Variants in LSAMP observed in about 807,000 individuals in gnomAD.
LSAMP encodes limbic system-associated membrane protein.
LSAMP carries 7 observed loss-of-function variants against 38.6 expected under a neutral mutation model. The observed-to-expected ratio is 0.18, with a 90% CI of 0.10 to 0.34. LSAMP has a LOEUF of 0.34. Ranked by LOEUF, LSAMP falls within the 10% of genes least tolerant of loss-of-function variation. The pLI, the probability that LSAMP is intolerant of heterozygous loss-of-function variation, is 1.00. For missense variants in LSAMP, 313 were observed against 420.0 expected (o/e 0.75, Z 2.23); for synonymous variants, 154 against 166.8 (o/e 0.92, Z 0.59).
intron 1 of LSAMP, among the ~76,000 whole-genome samples, chr3:116,105,172 AG>A (rs1302320982): frequency 7.4e-6 from 1 of 134,880 alleles, no homozygotes; most frequent in Admixed American, 7.0e-5. Flanking sequence ...CAGTTTGACT[AG>A]GGGGAAAAAA....
intron 1 of LSAMP, among the ~76,000 whole-genome samples, chr3:116,367,504 T>G (rs2048369967): frequency 6.6e-6 from 1 of 151,420 alleles, no homozygotes; most frequent in Non-Finnish European, 1.5e-5. Flanking sequence ...CCTTTTTTTT[T>G]TTTTTTTGTC....
chr3:116,116,726 GATAATAATA>G (rs144004075), intron 1 of LSAMP, among the ~76,000 whole-genome samples: 2 of 149,884 alleles, frequency 1.3e-5, no homozygotes, highest in South Asian at 2.1e-4. Context: ...AAATAATAAT[GATAATAATA>G]ATAATAATAA....
intron 6 of LSAMP, among the ~76,000 whole-genome samples, chr3:115,839,086 G>T (rs1934895425): frequency 6.6e-6 from 1 of 152,116 alleles, no homozygotes; most frequent in Non-Finnish European, 1.5e-5. Flanking sequence ...CTCCCCTCCT[G>T]ACTCTGTTCT....
intron 1 of LSAMP, among the ~76,000 whole-genome samples, chr3:116,289,261 A>G (rs1445141500): frequency 1.3e-5 from 2 of 152,236 alleles, no homozygotes; most frequent in East Asian, 3.8e-4. Flanking sequence ...ATTGTCAAAC[A>G]TTTGAAAACT....
chr3:115,828,027 A>G (rs1425839702), intron 6 of LSAMP, among the ~76,000 whole-genome samples: 16 of 152,182 alleles, frequency 1.1e-4, no homozygotes, highest in Admixed American at 1.0e-3. Flanking sequence ...CTTAATTTGT[A>G]TCTTGCCTCT....
intron 3 of LSAMP, among the ~76,000 whole-genome samples, chr3:115,880,686 A>G (rs981365844): frequency 1.3e-5 from 2 of 152,148 alleles, no homozygotes; most frequent in Admixed American, 6.5e-5. Context: ...AAATCAGATT[A>G]AAAGATCATG....
intron 1 of LSAMP, among the ~76,000 whole-genome samples, chr3:116,226,197 C>A (rs1222970337): frequency 6.6e-6 from 1 of 152,190 alleles, no homozygotes; most frequent in Non-Finnish European, 1.5e-5. Flanking sequence ...CAAAACACCT[C>A]TTCTCCTGAC....
chr3:115,868,929 C>T (rs1294292233), intron 3 of LSAMP, among the ~76,000 whole-genome samples: 1 of 151,906 alleles, frequency 6.6e-6, no homozygotes, highest in African/African-American at 2.4e-5. Flanking sequence ...AACTTCAATA[C>T]ACACAATTCT....
intron 3 of LSAMP, among the ~76,000 whole-genome samples, chr3:115,986,099 G>T (rs1939502396): frequency 1.3e-5 from 2 of 152,126 alleles, no homozygotes; most frequent in Non-Finnish European, 2.9e-5. Context: ...GGTTAAAAAA[G>T]CCAACTGCTT....
chr3:116,394,567 A>G (rs374169518), intron 1 of LSAMP, among the ~76,000 whole-genome samples: 4 of 152,268 alleles, frequency 2.6e-5, no homozygotes, highest in African/African-American at 9.6e-5. Flanking sequence ...TTGACTCATT[A>G]GAGCATGACT....
chr3:116,038,485 A>C (rs898772140), intron 2 of LSAMP, among the ~76,000 whole-genome samples: 1 of 152,156 alleles, frequency 6.6e-6, no homozygotes, highest in South Asian at 2.1e-4. Context: ...TATTTACTTG[A>C]ATCTGTAACA....
chr3:115,827,182 A>T (rs1934444783), intron 6 of LSAMP, among the ~76,000 whole-genome samples: 2 of 152,168 alleles, frequency 1.3e-5, no homozygotes, highest in Non-Finnish European at 2.9e-5. Context: ...CAACTCATAC[A>T]AAACCCACAC....
intron 1 of LSAMP, among the ~76,000 whole-genome samples, chr3:116,262,618 C>G (rs142691261): frequency 8.5e-4 from 129 of 152,130 alleles, no homozygotes; most frequent in African/African-American, 3.0e-3. Flanking sequence ...TATGGGTGTA[C>G]GTGAAACAGA....
chr3:116,185,752 C>A (rs1033490210), intron 1 of LSAMP, among the ~76,000 whole-genome samples: 40 of 152,030 alleles, frequency 2.6e-4, no homozygotes, highest in African/African-American at 8.9e-4. Context: ...AATGTTCAGG[C>A]TTTTTAAATT....
At chr3:115,941,138 AT>A (rs1053928484) in intron 3 of LSAMP, among the ~76,000 whole-genome samples, 1 of 152,124 alleles carries the variant, frequency 6.6e-6, no homozygotes, top group Non-Finnish European at 1.5e-5. Context: ...CTGAATAGAC[AT>A]TTTTTCCAAA....
intron 3 of LSAMP, among the ~76,000 whole-genome samples, chr3:115,900,808 C>T (rs1007406639): frequency 6.6e-6 from 1 of 152,114 alleles, no homozygotes; most frequent in Non-Finnish European, 1.5e-5. Flanking sequence ...CCTTACTGGG[C>T]CTTTGGCACT....
intron 3 of LSAMP, among the ~76,000 whole-genome samples, chr3:115,956,587 A>T (rs1465678297): frequency 1.3e-5 from 2 of 152,152 alleles, no homozygotes; most frequent in Non-Finnish European, 2.9e-5. Flanking sequence ...CCTCCCTGAG[A>T]GCTGAGACAA....
intron 1 of LSAMP, among the ~76,000 whole-genome samples, chr3:116,165,078 C>T (rs1710017038): frequency 1.3e-5 from 2 of 152,146 alleles, no homozygotes; most frequent in East Asian, 1.9e-4. Flanking sequence ...TCATGCAATG[C>T]TTCATCCAGG....
At chr3:116,267,934 G>A (rs1480297087) in intron 1 of LSAMP, among the ~76,000 whole-genome samples, 3 of 152,112 alleles carry the variant, frequency 2.0e-5, no homozygotes, top group East Asian at 1.9e-4. Flanking sequence ...GGAATGGAGT[G>A]TAATGACTGG....
Sources: gnomAD v4.1 joint callset for allele counts (sites outside exome capture counted in the v4.1 genomes callset) on GRCh38, gnomAD v4.1.1 for gene constraint, MANE v1.5 for transcripts, NCBI Gene and HGNC (gene_info 2026-07-23, HGNC 2026-07-21) for gene names.